Variants in TUSC3 observed in about 807,000 individuals in gnomAD.
TUSC3 encodes the protein dolichyl-diphosphooligosaccharide--protein glycosyltransferase subunit TUSC3.
Under a neutral mutation model 44.8 loss-of-function variants are expected in TUSC3, and 45 were observed. The ratio of observed to expected loss-of-function variants is 1.00; its 90% CI spans 0.79 to 1.29. TUSC3 has a LOEUF of 1.29. Ranked by LOEUF, TUSC3 falls within the 50% of genes most tolerant of loss-of-function variation. TUSC3 has a pLI of 0.00. For missense variants in TUSC3, 519 were observed against 437.9 expected (o/e 1.19, Z -1.65); for synonymous variants, 212 against 152.9 (o/e 1.39, Z -2.85).
chr8:15,445,253 A>G (rs74659099), intron 1 of TUSC3, among the ~76,000 whole-genome samples: 3,486 of 152,282 alleles, frequency 0.023, 153 homozygotes, highest in African/African-American at 0.079. Context: ...GGAGAAAACT[A>G]TCATCTCTTC....
rs2129132478 is a variant in TUSC3 at position 15,540,544 on chromosome 8, CG to C, written c.119del (p.Gly40GlufsTer10). 3 of 1,597,008 alleles carry C rather than the reference CG, an allele frequency of 1.9e-6. No individual in the cohort carries two copies. The highest frequency in any genetic ancestry group is 2.3e-5 in the East Asian group (1 of 43,056). On this transcript the variant is annotated frameshift_variant, in exon 1 of 11. Coordinates refer to ENST00000503731, the MANE Select transcript of TUSC3 (RefSeq NM_006765.4). LOFTEE classifies it high-confidence loss of function. ...LLLLLLCIQL[G>X]GGQKKKENLL... ...TGCTGCTGCTGCTCTGCATCCAGCT[CG>C]GGGGAGGACAGAAGAAAAAGGAGGT...
At chr8:15,505,727 T>C (rs894737648) in intron 2 of TUSC3, among the ~76,000 whole-genome samples, 1 of 152,368 alleles carries the variant, frequency 6.6e-6, no homozygotes, top group African/African-American at 2.4e-5. Context: ...GGAGCACTAC[T>C]TTATAATTGT....
At chr8:15,486,549 A>T (rs1450628806) in intron 2 of TUSC3, among the ~76,000 whole-genome samples, 1 of 152,016 alleles carries the variant, frequency 6.6e-6, no homozygotes, top group Non-Finnish European at 1.5e-5. Context: ...GGTTCAAATG[A>T]TTATTCTGCC....
intron 6 of TUSC3, among the ~76,000 whole-genome samples, chr8:15,702,230 A>T (rs1009251248): frequency 6.6e-6 from 1 of 152,144 alleles, no homozygotes; most frequent in African/African-American, 2.4e-5. Context: ...AGAGACTCTA[A>T]TGTTACCAAA....
chr8:15,777,983 A>G, the TUSC3 span, among the ~76,000 whole-genome samples: 1 of 152,088 alleles, frequency 6.6e-6, no homozygotes, highest in African/African-American at 2.4e-5. Context: ...AGAGCATTGA[A>G]AAACATCTTG....
intron 1 of TUSC3, among the ~76,000 whole-genome samples, chr8:15,573,200 C>CTATATATATATATATA (rs756046911): frequency 7.0e-5 from 7 of 99,546 alleles, no homozygotes; most frequent in South Asian, 3.7e-4. Context: ...CTCTCTCTCT[C>CTATATATATATATATA]TCTATATATA....
At chr8:15,573,202 C>CTCTCTCTA (rs1435847916) in intron 1 of TUSC3, among the ~76,000 whole-genome samples, 39 of 74,178 alleles carry the variant, frequency 5.3e-4, no homozygotes, top group South Asian at 6.8e-4. Context: ...CTCTCTCTCT[C>CTCTCTCTA]TATATATATA....
intron 2 of TUSC3, among the ~76,000 whole-genome samples, chr8:15,510,276 A>T (rs1801115995): frequency 1.3e-5 from 2 of 152,208 alleles, no homozygotes; most frequent in African/African-American, 4.8e-5. Context: ...AAAAGAAAAA[A>T]GGGAAAAAGA....
chr8:15,454,356 T>A (rs76385412), intron 1 of TUSC3, among the ~76,000 whole-genome samples: 4 of 152,142 alleles, frequency 2.6e-5, no homozygotes, highest in Admixed American at 6.6e-5. Context: ...TTGAATTCTT[T>A]CCTTTGAGGA....
chr8:15,430,090 C>T (rs550747575), intron 1 of TUSC3, among the ~76,000 whole-genome samples: 1 of 151,164 alleles, frequency 6.6e-6, no homozygotes, highest in African/African-American at 2.5e-5. Flanking sequence ...CTATTCCAAT[C>T]AATAGAAAAA....
chr8:15,726,340 A>G (rs1239687323), intron 6 of TUSC3, among the ~76,000 whole-genome samples: 1 of 152,142 alleles, frequency 6.6e-6, no homozygotes, highest in Non-Finnish European at 1.5e-5. Context: ...AGAACATAGT[A>G]TCATTCATAT....
At chr8:15,692,568 G>C (rs1434752737) in intron 6 of TUSC3, among the ~76,000 whole-genome samples, 1 of 151,408 alleles carries the variant, frequency 6.6e-6, no homozygotes, top group Non-Finnish European at 1.5e-5. Flanking sequence ...TCCTGGTTCA[G>C]TCATGGGAGG....
chr8:15,757,646 C>T, intron 9 of TUSC3, 145 bp from the exon 10 acceptor site: 1 of 1,025,686 alleles, frequency 9.7e-7, no homozygotes, highest in African/African-American at 1.6e-5. Context: ...AGCTGGCATT[C>T]TGTAAAGGCA....
At chr8:15,731,592 C>T (rs1300562830) in intron 7 of TUSC3, among the ~76,000 whole-genome samples, 1 of 152,032 alleles carries the variant, frequency 6.6e-6, no homozygotes, top group African/African-American at 2.4e-5. Context: ...TTAGGGAAGC[C>T]CACTTGAGCT....
the TUSC3 span, among the ~76,000 whole-genome samples, chr8:15,791,715 C>A: frequency 5.3e-5 from 8 of 152,166 alleles, no homozygotes; most frequent in African/African-American, 1.9e-4. Flanking sequence ...TAAGAAACTT[C>A]ATTTAAGCTC....
At chr8:15,701,657 A>G (rs563953712) in intron 6 of TUSC3, among the ~76,000 whole-genome samples, 10 of 152,248 alleles carry the variant, frequency 6.6e-5, no homozygotes, top group Admixed American at 2.0e-4. Context: ...AAAACTTTGC[A>G]GTGTTTCAGA....
chr8:15,445,037 A>G (rs1030886246), intron 1 of TUSC3, among the ~76,000 whole-genome samples: 9 of 152,176 alleles, frequency 5.9e-5, no homozygotes, highest in East Asian at 1.9e-4. Flanking sequence ...GCAATGGAGG[A>G]AAAAAAGCAG....
intron 3 of TUSC3, among the ~76,000 whole-genome samples, chr8:15,655,195 T>G (rs537858784): frequency 5.9e-5 from 9 of 152,158 alleles, no homozygotes; most frequent in Non-Finnish European, 7.4e-5. Flanking sequence ...GGAAAGGCAG[T>G]CTCCCAGTAA....
chr8:15,523,931 C>G (rs892393241), intron 2 of TUSC3, among the ~76,000 whole-genome samples: 1 of 151,218 alleles, frequency 6.6e-6, no homozygotes, highest in African/African-American at 2.4e-5. Context: ...TGGCGCGCAC[C>G]TGTAGTCCCA....
Sources: gnomAD v4.1 joint callset for allele counts (sites outside exome capture counted in the v4.1 genomes callset) on GRCh38, gnomAD v4.1.1 for gene constraint, MANE v1.5 for transcripts, NCBI Gene and HGNC (gene_info 2026-07-23, HGNC 2026-07-21) for gene names.